Variants in EPHA6 observed in about 807,000 individuals in gnomAD.
EPHA6 encodes the protein EPH receptor A6.
A neutral mutation model predicts 112.0 loss-of-function variants in EPHA6; 50 were observed. That is an observed-to-expected ratio of 0.45 (90% confidence interval 0.36 to 0.56). The LOEUF (loss-of-function observed/expected upper bound fraction) is 0.56, where lower values mean the gene tolerates loss of function less well. Ranked by LOEUF, EPHA6 falls within the 20% of genes least tolerant of loss-of-function variation. EPHA6 has a pLI of 0.00. For missense variants in EPHA6, 1,280 were observed against 1,417.4 expected (o/e 0.90, Z 1.56); for synonymous variants, 529 against 490.7 (o/e 1.08, Z -1.03).
intron 3 of EPHA6, among the ~76,000 whole-genome samples, chr3:97,051,080 C>T (rs1023396446): frequency 1.3e-5 from 2 of 152,066 alleles, no homozygotes; most frequent in South Asian, 4.2e-4. Flanking sequence ...TTTAGACAGG[C>T]TTGTCAGGAC....
chr3:97,690,376 A>G (rs1051941436), intron 14 of EPHA6, among the ~76,000 whole-genome samples: 1 of 151,978 alleles, frequency 6.6e-6, no homozygotes. Flanking sequence ...TATGATATTG[A>G]CTTGCATTTC....
chr3:97,031,225 G>A (rs554997381), intron 3 of EPHA6, among the ~76,000 whole-genome samples: 1 of 152,134 alleles, frequency 6.6e-6, no homozygotes, highest in African/African-American at 2.4e-5. Context: ...AATGGTGCTG[G>A]GAAAACTGGC....
chr3:97,575,569 G>T (rs547308357), intron 11 of EPHA6, among the ~76,000 whole-genome samples: 25 of 152,314 alleles, frequency 1.6e-4, no homozygotes, highest in Admixed American at 1.5e-3. Context: ...AGAGGGCTGG[G>T]ATTAGATGAA....
chr3:97,294,461 T>C (rs2080805755), intron 5 of EPHA6, among the ~76,000 whole-genome samples: 1 of 151,348 alleles, frequency 6.6e-6, no homozygotes, highest in Admixed American at 6.9e-5. Flanking sequence ...GTGTCATTTT[T>C]AAAATTCATT....
chr3:97,218,584 C>G (rs973503313), intron 3 of EPHA6, among the ~76,000 whole-genome samples: 24 of 152,130 alleles, frequency 1.6e-4, no homozygotes, highest in African/African-American at 4.8e-4. Context: ...GAAACCACCC[C>G]CATGATTCAA....
chr3:97,725,159 T>C (rs966074043), intron 15 of EPHA6, among the ~76,000 whole-genome samples: 4 of 152,128 alleles, frequency 2.6e-5, no homozygotes, highest in African/African-American at 9.7e-5. Context: ...GACCTCATTC[T>C]CTCCTACTGC....
At chr3:97,386,623 A>T (rs1289167808) in intron 5 of EPHA6, among the ~76,000 whole-genome samples, 1 of 152,124 alleles carries the variant, frequency 6.6e-6, no homozygotes, top group Non-Finnish European at 1.5e-5. Context: ...GAGTGTCTGC[A>T]GCTTTTCCAG....
At chr3:97,671,989 G>A (rs2030890640) in intron 14 of EPHA6, among the ~76,000 whole-genome samples, 1 of 152,196 alleles carries the variant, frequency 6.6e-6, no homozygotes, top group Admixed American at 6.5e-5. Flanking sequence ...ACCTGATTTA[G>A]GATACACTAT....
intron 1 of EPHA6, among the ~76,000 whole-genome samples, chr3:96,840,778 A>C (rs1451289755): frequency 6.6e-6 from 1 of 152,126 alleles, no homozygotes; most frequent in Non-Finnish European, 1.5e-5. Context: ...GAGTCATTAC[A>C]GTGACTGCTT....
chr3:96,943,299 G>T (rs1459698841), intron 2 of EPHA6, among the ~76,000 whole-genome samples: 1 of 151,998 alleles, frequency 6.6e-6, no homozygotes, highest in South Asian at 2.1e-4. Flanking sequence ...TCACCAAAAA[G>T]AAATGATAAA....
chr3:97,163,962 G>T (rs1363382382), intron 3 of EPHA6, among the ~76,000 whole-genome samples: 29 of 152,156 alleles, frequency 1.9e-4, no homozygotes, highest in Admixed American at 1.9e-3. Flanking sequence ...TTTCAATTCT[G>T]CAGCTACTGG....
chr3:97,251,866 T>C (rs1486479776), intron 5 of EPHA6, among the ~76,000 whole-genome samples: 1 of 152,202 alleles, frequency 6.6e-6, no homozygotes, highest in Non-Finnish European at 1.5e-5. Context: ...TACAGTGCTC[T>C]TTCTTTCAGT....
At chr3:97,155,075 T>C (rs561402897) in intron 3 of EPHA6, among the ~76,000 whole-genome samples, 24 of 152,270 alleles carry the variant, frequency 1.6e-4, no homozygotes, top group Middle Eastern at 3.4e-3. Context: ...TTTTTTGCAA[T>C]AGCTAAGAGA....
chr3:97,560,041 A>T (rs1358329601), intron 11 of EPHA6, among the ~76,000 whole-genome samples: 1 of 151,872 alleles, frequency 6.6e-6, no homozygotes, highest in South Asian at 2.1e-4. Flanking sequence ...AAAGAAAAAA[A>T]AGAAAAAAAT....
chr3:97,250,781 A>C (rs1382650943), intron 5 of EPHA6, among the ~76,000 whole-genome samples: 1 of 152,204 alleles, frequency 6.6e-6, no homozygotes, highest in East Asian at 1.9e-4. Flanking sequence ...TGCCTACAAA[A>C]TGAATGAGAT....
chr3:97,120,767 G>A (rs1200693108), intron 3 of EPHA6, among the ~76,000 whole-genome samples: 1 of 151,780 alleles, frequency 6.6e-6, no homozygotes, highest in East Asian at 1.9e-4. Context: ...TGAATACAAC[G>A]ATGAGTGTGT....
intron 3 of EPHA6, among the ~76,000 whole-genome samples, chr3:97,199,856 G>A (rs1446423611): frequency 6.6e-6 from 1 of 152,048 alleles, no homozygotes; most frequent in Non-Finnish European, 1.5e-5. Flanking sequence ...TTATTCACTG[G>A]CTATTGTCGG....
At chr3:97,236,600 T>A (rs1201403733) in intron 4 of EPHA6, among the ~76,000 whole-genome samples, 1 of 152,140 alleles carries the variant, frequency 6.6e-6, no homozygotes, top group Non-Finnish European at 1.5e-5. Context: ...TATCTAAATA[T>A]ACAATCAAAC....
At chr3:97,631,759 C>T (rs954051618) in intron 13 of EPHA6, among the ~76,000 whole-genome samples, 2 of 151,936 alleles carry the variant, frequency 1.3e-5, no homozygotes, top group African/African-American at 4.8e-5. Flanking sequence ...TCAAGAATAG[C>T]AGCTTATCAT....
Sources: gnomAD v4.1 joint callset for allele counts (sites outside exome capture counted in the v4.1 genomes callset) on GRCh38, gnomAD v4.1.1 for gene constraint, MANE v1.5 for transcripts, NCBI Gene and HGNC (gene_info 2026-07-23, HGNC 2026-07-21) for gene names.